Variants in SLC9C2 observed in about 807,000 individuals in gnomAD.
SLC9C2 encodes solute carrier family 9 member C2 (putative).
In SLC9C2, 75 loss-of-function variants were observed where a neutral mutation model predicts 140.2. That is an observed-to-expected ratio of 0.53 (90% CI 0.44 to 0.65). The LOEUF is 0.65. Among genes scored for constraint, SLC9C2 ranks in the 30% least tolerant of loss-of-function variants. SLC9C2 has a pLI of 0.00. For missense variants in SLC9C2, 1,074 were observed against 1,331.8 expected (o/e 0.81, Z 3.01); for synonymous variants, 375 against 420.9 (o/e 0.89, Z 1.34).
chr1:173,507,400 T>C (rs1196960737), intron 24 of SLC9C2, among the ~76,000 whole-genome samples: 3 of 152,032 alleles, frequency 2.0e-5, no homozygotes, highest in Non-Finnish European at 4.4e-5. Context: ...GACAGGTGAA[T>C]AGGAATAACA....
At chr1:173,600,035 C>T in intron 3 of SLC9C2, 82 bp downstream of exon 3, 1 of 838,116 alleles carries the variant, frequency 1.2e-6, no homozygotes, top group South Asian at 2.5e-5. Flanking sequence ...AAAAACATTC[C>T]ATGCATTCAG....
intron 13 of SLC9C2, among the ~76,000 whole-genome samples, chr1:173,537,345 G>C (rs1367340846): frequency 6.6e-6 from 1 of 152,106 alleles, no homozygotes; most frequent in Non-Finnish European, 1.5e-5. Context: ...GGGATCACTT[G>C]AGTCCAGGAG....
intron 13 of SLC9C2, among the ~76,000 whole-genome samples, chr1:173,545,711 C>T (rs750511800): frequency 1.3e-5 from 2 of 152,142 alleles, no homozygotes; most frequent in Non-Finnish European, 2.9e-5. Context: ...AAGGGTGAGT[C>T]TGTTTTACAT....
At position 173,535,877 on chromosome 1, in the gene SLC9C2, TA is replaced by T; in HGVS notation, c.1727del (p.Leu576Ter). On this transcript the variant is annotated frameshift_variant, in exon 15 of 28. Transcript: ENST00000367714. LOFTEE classifies it high-confidence loss of function. ...RSWLIKFKNV[L>X]TFLEYCIEKI... is the part of the protein sequence containing the mutation. ...TTTCTATACAATATTCCAAGAAAGT[TA>T]AAACATTTTTAAACTTTATAAGCCA... The T allele has an allele frequency of 6.6e-7, 1 of 1,515,360 alleles. No individual in the cohort carries two copies. The highest frequency in any genetic ancestry group is 8.9e-7 in the Non-Finnish European group (1 of 1,126,664). The allele number at this position is 1,515,360 out of a possible 1,614,324, so 93.9% of individuals were successfully genotyped here.
At chr1:173,509,755 C>T in intron 23 of SLC9C2, 56 bp from the exon 24 acceptor site, 1 of 1,535,524 alleles carries the variant, frequency 6.5e-7, no homozygotes, top group Non-Finnish European at 8.7e-7. Flanking sequence ...AATTACAAGA[C>T]CATCAAAAAA....
At position 173,525,975 on chromosome 1, in the gene SLC9C2, G is replaced by T. The variant is rs1390406244; in HGVS notation, c.2365+688C>A. Among the ~76,000 whole-genome samples the T allele has an allele frequency of 2.0e-5, 3 of 152,288 alleles. No individual in the cohort carries two copies. The East Asian group carries it at 5.8e-4, about 29-fold the overall frequency. ...CATTCTTTCCATTTTGATTTGGAAA[G>T]TGTAACCCCATATGGCATCTTACAA... On this transcript the variant is annotated intron_variant, in intron 19 of 27. Coordinates refer to ENST00000367714, the MANE Select transcript of SLC9C2 (RefSeq NM_178527.4).
Position 173,526,671 on chromosome 1 carries a change from T to C in SLC9C2, c.2357A>G (p.Lys786Arg). 6.3e-7 allele frequency: 1 copy of C among 1,594,918 alleles called. No individual in the cohort carries two copies. Among genetic ancestry groups the C allele is most frequent in the Non-Finnish European group, 8.5e-7 (1 of 1,175,218 alleles). Reference protein sequence around the residue: ...ILETNKQDAVKELVLMEHEGR... With the variant: ...ILETNKQDAVRELVLMEHEGR... ...ATACTTCAACTACCTACCTAATTCT[T>C]TGACAGCATCCTGTTTGTTGGTTTC... The change falls in exon 19 of 28, where the codon AAA becomes AGA. Residue 786 changes from lysine (K) to arginine (R), a missense_variant. Lys to Arg is a conservative substitution (Grantham distance 26). Transcript: ENST00000367714.
At chr1:173,534,063 T>A (rs1476731165) in intron 16 of SLC9C2, among the ~76,000 whole-genome samples, 2 of 152,156 alleles carry the variant, frequency 1.3e-5, no homozygotes, top group African/African-American at 2.4e-5. Flanking sequence ...GCAATACTAT[T>A]AATAATAAAG....
intron 18 of SLC9C2, among the ~76,000 whole-genome samples, chr1:173,527,258 A>G (rs1661269213): frequency 6.6e-6 from 1 of 152,192 alleles, no homozygotes; most frequent in South Asian, 2.1e-4. Flanking sequence ...TGCTTTGCCC[A>G]TGCTCAGACG....
intron 8 of SLC9C2, 27 bp from the exon 9 acceptor site, chr1:173,573,352 T>A: frequency 1.2e-4 from 155 of 1,266,550 alleles, no homozygotes; most frequent in Non-Finnish European, 1.6e-4. Context: ...AGAAATGACA[T>A]TTTAAGCAAT....
intron 10 of SLC9C2, among the ~76,000 whole-genome samples, chr1:173,555,742 T>C (rs1663638307): frequency 6.6e-6 from 1 of 152,202 alleles, no homozygotes. Flanking sequence ...GAACTCAAAA[T>C]TCATGCCCAG....
At position 173,521,313 on chromosome 1, in the gene SLC9C2, T is replaced by C. The variant is rs772628972; in HGVS notation, c.2727A>G (p.Ser909=). ...EMPQGIYLII[S]GMAILHSLSP... ...AATAGTCCCTTACAATTGCCATTCC[T>C]GAAATAATTAAGTAGATTCCTTGTG... The change falls in exon 22 of 28, where the codon TCA becomes TCG. Residue 909 remains serine, a synonymous_variant. Transcript: ENST00000367714. 2.0e-6 allele frequency: 3 copies of C among 1,525,500 alleles called. No individual in the cohort carries two copies. The highest frequency in any genetic ancestry group is 1.7e-6 in the Non-Finnish European group (2 of 1,142,876). 94.5% of individuals were successfully genotyped at this position (1,525,500 alleles called of 1,614,324 possible).
chr1:173,560,897 A>G (rs1250110577), intron 9 of SLC9C2, among the ~76,000 whole-genome samples: 3 of 151,978 alleles, frequency 2.0e-5, no homozygotes, highest in African/African-American at 2.4e-5. Flanking sequence ...CCCAGGTTCA[A>G]GCGATTCTCC....
intron 23 of SLC9C2, among the ~76,000 whole-genome samples, chr1:173,516,728 A>G (rs1383739009): frequency 6.6e-6 from 1 of 152,176 alleles, no homozygotes; most frequent in African/African-American, 2.4e-5. Flanking sequence ...ATGAGCATTT[A>G]GGTTGATTCC....
Position 173,530,832 on chromosome 1 carries a change from A to G in SLC9C2, c.2164-778T>C, listed in dbSNP as rs971006781. On this transcript the variant is annotated intron_variant, in intron 17 of 27. Coordinates refer to ENST00000367714, the MANE Select transcript of SLC9C2 (RefSeq NM_178527.4). ...GGCAGATGGCGAGGGACTGGGTAAC[A>G]AGGGAGAAGAAAAAAGTGAACCGGG... is the stretch of plus-strand genomic sequence containing the variant. Among the ~76,000 whole-genome samples the G allele has an allele frequency of 3.3e-5, 5 of 152,356 alleles. No homozygotes were observed. The East Asian group carries it at 9.6e-4, about 29-fold the overall frequency.
intron 22 of SLC9C2, among the ~76,000 whole-genome samples, chr1:173,518,441 A>G (rs1660578749): frequency 6.6e-6 from 1 of 152,250 alleles, no homozygotes; most frequent in South Asian, 2.1e-4. Flanking sequence ...AAACCAAGCC[A>G]TGATGTTAAT....
intron 4 of SLC9C2, among the ~76,000 whole-genome samples, chr1:173,588,057 T>C (rs1164842262): frequency 6.6e-6 from 1 of 152,212 alleles, no homozygotes; most frequent in Non-Finnish European, 1.5e-5. Flanking sequence ...CTATCTTTCT[T>C]GTTGTTATTC....
At chr1:173,546,405 A>T (rs904163229) in intron 13 of SLC9C2, among the ~76,000 whole-genome samples, 11 of 151,862 alleles carry the variant, frequency 7.2e-5, no homozygotes, top group African/African-American at 2.7e-4. Flanking sequence ...TGGTGCCAAA[A>T]CCTCGTCTGT....
chr1:173,508,209 T>C (rs1190775788), intron 24 of SLC9C2, among the ~76,000 whole-genome samples: 4 of 152,044 alleles, frequency 2.6e-5, no homozygotes, highest in East Asian at 1.9e-4. Flanking sequence ...AAAATGCATA[T>C]ACATTTTGAG....
Sources: gnomAD v4.1 joint callset for allele counts (sites outside exome capture counted in the v4.1 genomes callset) on GRCh38, gnomAD v4.1.1 for gene constraint, MANE v1.5 for transcripts, NCBI Gene and HGNC (gene_info 2026-07-23, HGNC 2026-07-21) for gene names.